HMCN1: variants seen among roughly 807,000 people sequenced by gnomAD.
HMCN1 encodes the protein hemicentin-1.
Under a neutral mutation model 625.9 loss-of-function variants are expected in HMCN1, and 321 were observed. The observed-to-expected ratio is 0.51, with a 90% CI of 0.47 to 0.56. HMCN1 has a LOEUF of 0.56. HMCN1 is among the 20% of genes least tolerant of loss of function. The pLI is 0.00. For missense variants in HMCN1, 6,588 were observed against 6,887.3 expected (o/e 0.96, Z 1.54); for synonymous variants, 2,425 against 2,417.6 (o/e 1.00, Z -0.09).
chr1:186,063,182 T>C (rs975963453), intron 48 of HMCN1, among the ~76,000 whole-genome samples: 2 of 148,634 alleles, frequency 1.3e-5, no homozygotes, highest in Non-Finnish European at 3.0e-5. Context: ...AGTGCTCTGG[T>C]AAACATACTA....
intron 1 of HMCN1, among the ~76,000 whole-genome samples, chr1:185,814,696 A>AT (rs57781378): frequency 0.011 from 1,545 of 145,904 alleles, 151 homozygotes; most frequent in African/African-American, 0.039. Flanking sequence ...ATTATTATTT[A>AT]TTTTTTTTTT....
chr1:185,952,875 C>T (rs934764123), intron 11 of HMCN1, among the ~76,000 whole-genome samples: 35 of 149,826 alleles, frequency 2.3e-4, no homozygotes, highest in South Asian at 2.3e-3. Context: ...GATTGGGACA[C>T]GGAAATAAGG....
chr1:185,738,465 A>G (rs546855532), intron 1 of HMCN1, among the ~76,000 whole-genome samples: 9 of 152,340 alleles, frequency 5.9e-5, no homozygotes, highest in African/African-American at 2.2e-4. Flanking sequence ...TTCAAGGTTC[A>G]TCCATGTTGT....
At chr1:186,042,250 A>T (rs1204118965) in intron 40 of HMCN1, among the ~76,000 whole-genome samples, 1 of 152,160 alleles carries the variant, frequency 6.6e-6, no homozygotes, top group African/African-American at 2.4e-5. Context: ...GCCCAACCCC[A>T]GGAATTTTAA....
intron 1 of HMCN1, among the ~76,000 whole-genome samples, chr1:185,753,198 C>T (rs1654928730): frequency 6.6e-6 from 1 of 151,950 alleles, no homozygotes; most frequent in South Asian, 2.1e-4. Context: ...TAAATAATTC[C>T]TCAAAAACTC....
At chr1:185,889,564 T>C (rs1328276329) in intron 4 of HMCN1, among the ~76,000 whole-genome samples, 3 of 135,808 alleles carry the variant, frequency 2.2e-5, no homozygotes, top group Non-Finnish European at 4.6e-5. Context: ...TCTATTGAGA[T>C]AATCATGTGG....
chr1:186,058,066 G>A (rs1307049029), intron 46 of HMCN1, among the ~76,000 whole-genome samples: 1 of 151,938 alleles, frequency 6.6e-6, no homozygotes, highest in African/African-American at 2.4e-5. Flanking sequence ...AATACCTAAT[G>A]TGTGATTGAA....
intron 2 of HMCN1, among the ~76,000 whole-genome samples, chr1:185,861,075 T>G (rs552906361): frequency 6.6e-6 from 1 of 152,290 alleles, no homozygotes; most frequent in African/African-American, 2.4e-5. Context: ...ATGGGATTAA[T>G]TCATCTGGAG....
chr1:185,944,864 G>A (rs1196570327), intron 11 of HMCN1, among the ~76,000 whole-genome samples: 2 of 152,212 alleles, frequency 1.3e-5, no homozygotes, highest in East Asian at 3.9e-4. Flanking sequence ...GAAGCAGAGT[G>A]TTTAGGCGTA....
At chr1:185,912,325 A>G (rs1666468218) in intron 6 of HMCN1, among the ~76,000 whole-genome samples, 1 of 152,204 alleles carries the variant, frequency 6.6e-6, no homozygotes, top group Non-Finnish European at 1.5e-5. Flanking sequence ...GCAAGCATTC[A>G]AGTGCTGTGT....
rs1466789357 is a variant in HMCN1 at position 186,182,204 on chromosome 1, A to G, written c.16331A>G (p.His5444Arg). The change falls in exon 105 of 107, where the codon CAT (histidine) becomes CGT (arginine). Residue 5444 changes from histidine (H) to arginine (R), a missense_variant. By Grantham distance (29) the His-to-Arg change is conservative (BLOSUM62 0). Transcript: ENST00000271588. ...TGTGAAAATACAGATGCCTGCCAGC[A>G]TGAGTGTAAGAATACCTTTGGAAGT... The part of the protein sequence containing the change: ...DECENTDACQ[H>R]ECKNTFGSYQ... 5 of 1,613,508 alleles carry G rather than the reference A, an allele frequency of 3.1e-6. No individual in the cohort carries two copies. The East Asian group carries it at 1.1e-4, about 36-fold the overall frequency.
At chr1:185,785,078 C>T (rs1437433074) in intron 1 of HMCN1, among the ~76,000 whole-genome samples, 1 of 152,114 alleles carries the variant, frequency 6.6e-6, no homozygotes, top group Non-Finnish European at 1.5e-5. Context: ...TATCTATCTT[C>T]ATGTTAATGA....
chr1:185,784,732 T>C (rs997805135), intron 1 of HMCN1, among the ~76,000 whole-genome samples: 8 of 152,186 alleles, frequency 5.3e-5, no homozygotes, highest in African/African-American at 1.9e-4. Flanking sequence ...CTACTTCTTG[T>C]CTTTATTTAT....
chr1:185,889,360 G>A (rs1402536279), intron 4 of HMCN1, among the ~76,000 whole-genome samples: 1 of 146,884 alleles, frequency 6.8e-6, no homozygotes, highest in Non-Finnish European at 1.5e-5. Flanking sequence ...AATAGGAGTG[G>A]TGAGAGAGGG....
intron 1 of HMCN1, among the ~76,000 whole-genome samples, chr1:185,763,805 C>T (rs1367469311): frequency 6.6e-6 from 1 of 152,168 alleles, no homozygotes; most frequent in African/African-American, 2.4e-5. Context: ...TTACACATAG[C>T]TCTCTGTTAT....
intron 97 of HMCN1, among the ~76,000 whole-genome samples, chr1:186,158,255 G>T (rs2102594541): frequency 6.6e-6 from 1 of 150,882 alleles, no homozygotes; most frequent in South Asian, 2.1e-4. Context: ...AGAAGTGTCT[G>T]TTCATGTCCT....
chr1:186,055,806 C>T (rs1297443208), intron 45 of HMCN1, 132 bp downstream of exon 45: 3 of 880,532 alleles, frequency 3.4e-6, no homozygotes, highest in Non-Finnish European at 5.6e-6. Context: ...ATACCTTTTC[C>T]CCAGGTCAGT....
At chr1:185,869,797 G>A (rs1446931644) in intron 4 of HMCN1, among the ~76,000 whole-genome samples, 9 of 152,010 alleles carry the variant, frequency 5.9e-5, no homozygotes, top group African/African-American at 1.9e-4. Flanking sequence ...AGGGAAAACA[G>A]ATGCTATACT....
chr1:185,928,018 T>A (rs1472048240), intron 9 of HMCN1, among the ~76,000 whole-genome samples: 3 of 152,138 alleles, frequency 2.0e-5, no homozygotes, highest in African/African-American at 7.2e-5. Flanking sequence ...AACTGATCAT[T>A]TGTTTTCATT....
Sources: allele counts gnomAD v4.1 joint callset (sites outside exome capture counted in the v4.1 genomes callset), GRCh38; gene constraint gnomAD v4.1.1; transcripts MANE v1.5; gene names NCBI Gene and HGNC (gene_info 2026-07-23, HGNC 2026-07-21).